Variants in THSD7B observed in about 807,000 individuals in gnomAD.
The protein encoded by THSD7B is thrombospondin type-1 domain-containing protein 7B.
THSD7B carries 138 observed loss-of-function variants against 213.6 expected under a neutral mutation model. That is an observed-to-expected ratio of 0.65 (90% CI 0.56 to 0.74). The LOEUF (loss-of-function observed/expected upper bound fraction) is 0.74, where lower values mean the gene tolerates loss of function less well. Among genes scored for constraint, THSD7B ranks in the 30% least tolerant of loss-of-function variants. The pLI is 0.00. For missense variants in THSD7B, 1,931 were observed against 1,991.5 expected (o/e 0.97, Z 0.58); for synonymous variants, 742 against 687.0 (o/e 1.08, Z -1.25).
intron 12 of THSD7B, among the ~76,000 whole-genome samples, chr2:137,347,384 T>C (rs1684897752): frequency 6.6e-6 from 1 of 151,562 alleles, no homozygotes; most frequent in African/African-American, 2.4e-5. Context: ...GATTAATAAG[T>C]CAATGAAAGG....
intron 15 of THSD7B, among the ~76,000 whole-genome samples, chr2:137,519,625 A>G (rs1221126376): frequency 3.3e-5 from 5 of 152,208 alleles, no homozygotes; most frequent in African/African-American, 4.8e-5. Context: ...AAAAGCTGCA[A>G]ATAATAGTTT....
chr2:137,400,393 G>C (rs1243805717), intron 12 of THSD7B, among the ~76,000 whole-genome samples: 1 of 152,016 alleles, frequency 6.6e-6, no homozygotes, highest in East Asian at 1.9e-4. Flanking sequence ...TTATTGGGAG[G>C]AGCACTTTTT....
intron 5 of THSD7B, among the ~76,000 whole-genome samples, chr2:137,153,140 T>A (rs1450509196): frequency 6.6e-6 from 1 of 152,194 alleles, no homozygotes; most frequent in African/African-American, 2.4e-5. Context: ...CTACTATATT[T>A]TTTTCCTTAA....
intron 1 of THSD7B, among the ~76,000 whole-genome samples, chr2:136,856,237 G>A (rs1003898399): frequency 6.6e-6 from 1 of 152,160 alleles, no homozygotes; most frequent in Non-Finnish European, 1.5e-5. Context: ...TAGCAAGAGG[G>A]AATCAGATAA....
intron 15 of THSD7B, among the ~76,000 whole-genome samples, chr2:137,501,740 G>C (rs778575528): frequency 2.6e-5 from 4 of 152,150 alleles, no homozygotes; most frequent in Admixed American, 6.6e-5. Flanking sequence ...CAAGAAAATT[G>C]CCTATGATTT....
chr2:137,519,481 C>G (rs1007773650), intron 15 of THSD7B, among the ~76,000 whole-genome samples: 2 of 152,198 alleles, frequency 1.3e-5, no homozygotes, highest in South Asian at 4.1e-4. Flanking sequence ...GCTTCATTAG[C>G]AGAACTTGGG....
chr2:137,420,587 C>A (rs567730831), intron 14 of THSD7B, among the ~76,000 whole-genome samples: 7 of 152,136 alleles, frequency 4.6e-5, no homozygotes, highest in African/African-American at 1.2e-4. Flanking sequence ...GGCTGTGTGC[C>A]CCCTGAGAGA....
intron 15 of THSD7B, among the ~76,000 whole-genome samples, chr2:137,467,258 T>C (rs1400911655): frequency 1.3e-5 from 2 of 152,190 alleles, no homozygotes; most frequent in Non-Finnish European, 2.9e-5. Flanking sequence ...GTGAACGATC[T>C]GAGACCCTAG....
chr2:136,924,862 T>C (rs189088485), intron 2 of THSD7B, among the ~76,000 whole-genome samples: 10 of 152,292 alleles, frequency 6.6e-5, no homozygotes, highest in Non-Finnish European at 1.3e-4. Context: ...TGGTTTGTAG[T>C]TTTTGGTGTA....
intron 5 of THSD7B, among the ~76,000 whole-genome samples, chr2:137,120,859 G>A (rs1312340097): frequency 6.6e-6 from 1 of 152,194 alleles, no homozygotes; most frequent in East Asian, 1.9e-4. Context: ...AATGACGTGT[G>A]TTCCATCTTT....
rs533428225 is a variant in THSD7B, at chr2:137,357,156, A to G, written c.2501-48457A>G. 5.9e-5 allele frequency among the ~76,000 whole-genome samples: 9 copies of G among 152,324 alleles called. No individual in the cohort carries two copies. The South Asian group carries it at 1.2e-3, about 21-fold the overall frequency. ...TACATCAAAGATTTAGTAAATACCC[A>G]GGAAAAGATTTTGGTGGGTACCAAG... On this transcript the variant is annotated intron_variant, in intron 12 of 27. Transcript: ENST00000409968.
intron 15 of THSD7B, among the ~76,000 whole-genome samples, chr2:137,522,748 A>G (rs1438354602): frequency 1.3e-5 from 2 of 152,186 alleles, no homozygotes; most frequent in Non-Finnish European, 2.9e-5. Context: ...GCAGATTTTG[A>G]TTAGAAATCT....
At chr2:137,437,673 G>A (rs1687323011) in intron 14 of THSD7B, among the ~76,000 whole-genome samples, 1 of 152,130 alleles carries the variant, frequency 6.6e-6, no homozygotes, top group Non-Finnish European at 1.5e-5. Flanking sequence ...AACCTGATTG[G>A]TGAGGGTGGG....
At chr2:137,073,779 G>A (rs1223998855) in intron 3 of THSD7B, among the ~76,000 whole-genome samples, 2 of 152,182 alleles carry the variant, frequency 1.3e-5, no homozygotes, top group African/African-American at 4.8e-5. Flanking sequence ...ATTCTGGTAT[G>A]TTGTGTCTTT....
chr2:137,618,284 GATT>G (rs1553464564), intron 18 of THSD7B, 105 bp from the exon 19 acceptor site: 51 of 819,302 alleles, frequency 6.2e-5, no homozygotes, highest in South Asian at 6.0e-4. Context: ...ATGATTTTAG[GATT>G]ATGTGTGGAT....
At chr2:137,315,317 C>G (rs1684064795) in intron 12 of THSD7B, among the ~76,000 whole-genome samples, 1 of 152,196 alleles carries the variant, frequency 6.6e-6, no homozygotes, top group Non-Finnish European at 1.5e-5. Context: ...AGGGAACTCC[C>G]TGACCCCTTG....
At chr2:137,543,087 A>G (rs12995371) in intron 15 of THSD7B, among the ~76,000 whole-genome samples, 6,551 of 151,836 alleles carry the variant, frequency 0.043, 183 homozygotes, top group Non-Finnish European at 0.064. Context: ...TCACACTTTT[A>G]GAAGCTGCCA....
intron 12 of THSD7B, among the ~76,000 whole-genome samples, chr2:137,297,687 G>A (rs971929254): frequency 8.6e-5 from 13 of 151,984 alleles, no homozygotes; most frequent in African/African-American, 3.1e-4. Flanking sequence ...TTGAATCATG[G>A]GGGACAGTCT....
At chr2:137,234,234 C>G (rs1034142163) in intron 9 of THSD7B, among the ~76,000 whole-genome samples, 3 of 152,212 alleles carry the variant, frequency 2.0e-5, no homozygotes, top group African/African-American at 4.8e-5. Context: ...ACCCTGCCCT[C>G]CATGGCAAAA....
Sources: allele counts gnomAD v4.1 joint callset (sites outside exome capture counted in the v4.1 genomes callset), GRCh38; gene constraint gnomAD v4.1.1; transcripts MANE v1.5; gene names NCBI Gene and HGNC (gene_info 2026-07-23, HGNC 2026-07-21).